SOX6: variants seen among roughly 807,000 people sequenced by gnomAD.
SOX6 encodes the protein SRY-box transcription factor 6, also known as transcription factor SOX-6.
Under a neutral mutation model 97.8 loss-of-function variants are expected in SOX6, and 11 were observed. The ratio of observed to expected loss-of-function variants is 0.11; its 90% CI spans 0.07 to 0.19. The LOEUF is 0.19. Ranked by LOEUF, SOX6 falls within the 10% of genes least tolerant of loss-of-function variation. The pLI, the probability that SOX6 is intolerant of heterozygous loss-of-function variation, is 1.00. For missense variants in SOX6, 810 were observed against 1,039.5 expected, an observed-to-expected ratio of 0.78 and a Z score of 3.04; for synonymous variants, 360 against 371.4, an observed-to-expected ratio of 0.97 and a Z score of 0.35.
chr11:16,723,626 A>G (rs1564877962), intron 2 of SOX6, among the ~76,000 whole-genome samples: 3 of 152,130 alleles, frequency 2.0e-5, no homozygotes, highest in Admixed American at 6.5e-5. Context: ...CCTGGCCAAC[A>G]TGGTGAAACC....
At chr11:16,384,792 G>T (rs1171267876) in intron 1 of SOX6, among the ~76,000 whole-genome samples, 1 of 151,948 alleles carries the variant, frequency 6.6e-6, no homozygotes, top group Non-Finnish European at 1.5e-5. Flanking sequence ...AGCATAGAAA[G>T]CAAATTAAAT....
At chr11:16,193,580 C>A (rs1335070799) in intron 4 of SOX6, among the ~76,000 whole-genome samples, 1 of 152,108 alleles carries the variant, frequency 6.6e-6, no homozygotes, top group Admixed American at 6.6e-5. Flanking sequence ...GGGTAACTAA[C>A]AAATGTCTGT....
At chr11:16,086,169 A>T (rs1848573950) in intron 9 of SOX6, among the ~76,000 whole-genome samples, 1 of 152,224 alleles carries the variant, frequency 6.6e-6, no homozygotes, top group Non-Finnish European at 1.5e-5. Context: ...TCTTTAAGCT[A>T]CAGGTTTATG....
Position 16,633,003 on chromosome 11 carries a change from A to G in SOX6, n.430-20743T>C, listed in dbSNP as rs143681029. Reference sequence around the variant, plus strand: ...TTGATCCAAGTGAGCTGGTGCTCCAAATTCCTGGGGATCTGCCTGGGCATG... The same window carrying G: ...TTGATCCAAGTGAGCTGGTGCTCCAGATTCCTGGGGATCTGCCTGGGCATG... On this transcript the variant is annotated intron_variant and non_coding_transcript_variant, in intron 3 of 5. Coordinates refer to the SOX6 transcript ENST00000524520. Among the ~76,000 whole-genome samples, 21 of 152,110 alleles carry G rather than the reference A, an allele frequency of 1.4e-4. No homozygotes were observed. The East Asian group carries it at 4.1e-3, about 30-fold the overall frequency.
chr11:16,435,484 A>T (rs1859359278), intron 1 of SOX6, among the ~76,000 whole-genome samples: 1 of 152,166 alleles, frequency 6.6e-6, no homozygotes, highest in African/African-American at 2.4e-5. Context: ...TTAGTCACAG[A>T]ATCATAGAAT....
At chr11:16,108,194 T>G (rs1849143123) in intron 7 of SOX6, among the ~76,000 whole-genome samples, 1 of 152,142 alleles carries the variant, frequency 6.6e-6, no homozygotes, top group Non-Finnish European at 1.5e-5. Context: ...ATCAGTAAGC[T>G]TTAGCTATTA....
At chr11:16,047,246 G>A (rs1252740907) in intron 11 of SOX6, among the ~76,000 whole-genome samples, 1 of 152,032 alleles carries the variant, frequency 6.6e-6, no homozygotes, top group South Asian at 2.1e-4. Flanking sequence ...AGGAAAGAGG[G>A]GGCGGAAGGA....
rs1038987456 is a variant in SOX6, at chr11:16,258,737, T to C, written c.446-24066A>G. Among the ~76,000 whole-genome samples, 10 of 151,802 alleles carry C rather than the reference T, an allele frequency of 6.6e-5. 1 individual carries two copies. The highest frequency in any genetic ancestry group is 2.2e-4 in the African/African-American group (9 of 41,374). ...ACTCTGGGTGATAATGATGTCAACA[T>C]AAGTTTATCTGTTGCAACAAATCTA... On this transcript the variant is annotated intron_variant, in intron 3 of 15. Transcript: ENST00000683767.
chr11:16,064,671 C>A (rs1003094126), intron 9 of SOX6, among the ~76,000 whole-genome samples: 4 of 151,582 alleles, frequency 2.6e-5, no homozygotes, highest in African/African-American at 9.7e-5. Flanking sequence ...TTCATCATGA[C>A]CAAGTGGGAT....
chr11:16,456,118 T>C (rs1196466053), intron 1 of SOX6, among the ~76,000 whole-genome samples: 1 of 152,144 alleles, frequency 6.6e-6, no homozygotes, highest in Non-Finnish European at 1.5e-5. Flanking sequence ...CTATGAACCT[T>C]GTATGTCTTA....
intron 9 of SOX6, among the ~76,000 whole-genome samples, chr11:16,067,281 C>T (rs1848114541): frequency 6.6e-6 from 1 of 152,118 alleles, no homozygotes; most frequent in East Asian, 1.9e-4. Flanking sequence ...TGTCCCCACC[C>T]AAATTTCATC....
intron 2 of SOX6, among the ~76,000 whole-genome samples, chr11:16,721,896 C>CA (rs1848269881): frequency 2.0e-5 from 3 of 151,766 alleles, no homozygotes; most frequent in Admixed American, 6.6e-5. Flanking sequence ...ACATCTACAA[C>CA]CATCTGACCT....
chr11:16,046,480 T>C, intron 12 of SOX6, 34 bp downstream of exon 12: 1 of 1,608,858 alleles, frequency 6.2e-7, no homozygotes. Context: ...CCAATAAGTC[T>C]AGCAGATCCA....
intron 14 of SOX6, among the ~76,000 whole-genome samples, chr11:15,988,556 C>A (rs1853938678): frequency 6.6e-6 from 1 of 152,126 alleles, no homozygotes. Flanking sequence ...TTCAGTGGGA[C>A]ATATAAACCC....
At chr11:16,495,445 G>A (rs1465935370) in intron 4 of SOX6, among the ~76,000 whole-genome samples, 2 of 152,028 alleles carry the variant, frequency 1.3e-5, no homozygotes, top group Admixed American at 6.5e-5. Flanking sequence ...ACATCATCTG[G>A]GTGCTTGGGG....
chr11:16,596,022 T>G (rs375332143), intron 4 of SOX6, among the ~76,000 whole-genome samples: 19 of 152,280 alleles, frequency 1.2e-4, no homozygotes, highest in African/African-American at 2.6e-4. Context: ...TACACCAACT[T>G]TGCCATTGGA....
chr11:16,700,525 C>G (rs895032754), intron 3 of SOX6, among the ~76,000 whole-genome samples: 1 of 152,220 alleles, frequency 6.6e-6, no homozygotes, highest in African/African-American at 2.4e-5. Flanking sequence ...GGGAGACTGA[C>G]CCCGTGGACT....
chr11:16,265,973 T>C (rs1289508819), intron 3 of SOX6, among the ~76,000 whole-genome samples: 3 of 151,704 alleles, frequency 2.0e-5, no homozygotes, highest in Non-Finnish European at 4.4e-5. Context: ...TGGTCTAATA[T>C]ATGCATAACT....
chr11:16,564,145 A>G (rs1223054137), intron 4 of SOX6, among the ~76,000 whole-genome samples: 1 of 152,206 alleles, frequency 6.6e-6, no homozygotes, highest in Non-Finnish European at 1.5e-5. Flanking sequence ...AATAAAAGAA[A>G]TGTTGAAACA....
Sources: allele counts gnomAD v4.1 joint callset (sites outside exome capture counted in the v4.1 genomes callset), GRCh38; gene constraint gnomAD v4.1.1; transcripts MANE v1.5; gene names NCBI Gene and HGNC (gene_info 2026-07-23, HGNC 2026-07-21).